The following FAM47E variants were observed in gnomAD, a reference collection of about 807,000 sequenced individuals.
The protein encoded by FAM47E is protein FAM47E.
Under a neutral mutation model 41.6 loss-of-function variants are expected in FAM47E, and 32 were observed. The observed-to-expected ratio is 0.77, with a 90% CI of 0.58 to 1.03. The LOEUF (loss-of-function observed/expected upper bound fraction) is 1.03, where lower values mean the gene tolerates loss of function less well. Among genes scored for constraint, FAM47E ranks in the 50% least tolerant of loss-of-function variants. FAM47E has a pLI of 0.00. For missense variants in FAM47E, 424 were observed against 485.4 expected, an observed-to-expected ratio of 0.87 and a Z score of 1.19; for synonymous variants, 184 against 188.7, an observed-to-expected ratio of 0.98 and a Z score of 0.20.
chr4:76,248,897 G>A (rs1168702261), upstream of FAM47E, among the ~76,000 whole-genome samples: 2 of 152,046 alleles, frequency 1.3e-5, no homozygotes, highest in Non-Finnish European at 2.9e-5. Context: ...TTTTCCAGGT[G>A]TTTATTTCTA....
rs924330840 is a variant in FAM47E, at chr4:76,252,372, A to T, written c.74+552A>T. On this transcript the variant is annotated intron_variant, in intron 1 of 7. Transcript: ENST00000424749. ...AACAAGAAGGTTTTTGCCTTTACCG[A>T]CTCCTTGACAATCTTTTGAGAATGG... Among the ~76,000 whole-genome samples the T allele has an allele frequency of 4.3e-4, 65 of 151,678 alleles. 1 individual carries two copies. The highest frequency in any genetic ancestry group is 4.0e-3 in the Admixed American group (61 of 15,220).
intron 4 of FAM47E, 162 bp downstream of exon 4, chr4:76,268,930 TTTC>T: frequency 4.7e-6 from 4 of 851,852 alleles, no homozygotes; most frequent in East Asian, 5.7e-5. Context: ...AAGGAATCAT[TTTC>T]TTCTATTATG....
Position 76,278,068 on chromosome 4 carries a change from GAATCCTTATAAGCC to G in FAM47E, c.873_886del (p.Asn291LysfsTer28). The G allele has an allele frequency of 6.7e-7, 1 of 1,490,236 alleles. No individual in the cohort carries two copies. Among genetic ancestry groups the G allele is most frequent in the Non-Finnish European group, 8.9e-7 (1 of 1,124,458 alleles). 92.3% of individuals were successfully genotyped at this position (1,490,236 alleles called of 1,614,324 possible). A position where few individuals can be genotyped will look rare whatever the true frequency, so the allele number is the denominator to read the frequency against. ...ACTGGGAATTATGTTACTTTCCACAGAATCCTTATAAGCCAAAGTGGGTGAAGATGAGGTATGGA... is the reference window on the plus strand; with the variant it reads ...ACTGGGAATTATGTTACTTTCCACAGAAAGTGGGTGAAGATGAGGTATGGA... On this transcript the variant is annotated frameshift_variant and splice_region_variant, in exon 6 of 8. Coordinates refer to ENST00000424749, the MANE Select transcript of FAM47E (RefSeq NM_001136570.3). LOFTEE classifies it high-confidence loss of function.
chr4:76,257,342 A>G (rs1734234844), intron 2 of FAM47E, among the ~76,000 whole-genome samples: 1 of 152,150 alleles, frequency 6.6e-6, no homozygotes, highest in African/African-American at 2.4e-5. Flanking sequence ...AAAAGGTAGA[A>G]TGGATATTGG....
At chr4:76,244,791 G>A (rs1733789871) in intron 2 of FAM47E, among the ~76,000 whole-genome samples, 1 of 152,058 alleles carries the variant, frequency 6.6e-6, no homozygotes, top group Non-Finnish European at 1.5e-5. Context: ...ACCCACCTCG[G>A]CCTCCCAAAG....
exon 1 of FAM47E, chr4:76,214,102 T>A (rs1026861468): frequency 8.7e-5 from 34 of 392,684 alleles, no homozygotes; most frequent in African/African-American, 5.9e-4. Flanking sequence ...GTTCACACAC[T>A]CATTTACTCA....
chr4:76,280,556 G>C (rs1735302816), intron 7 of FAM47E: 1 of 442,522 alleles, frequency 2.3e-6, no homozygotes, highest in South Asian at 4.1e-5. Context: ...TTTGGTTTCT[G>C]CTACTATCAG....
chr4:76,245,029 C>T (rs1241390447), intron 2 of FAM47E, among the ~76,000 whole-genome samples: 1 of 152,064 alleles, frequency 6.6e-6, no homozygotes, highest in African/African-American at 2.4e-5. Context: ...CTAATGATGC[C>T]TAATTATCCA....
At chr4:76,231,067 C>T (rs1428128889) in intron 2 of FAM47E, among the ~76,000 whole-genome samples, 1 of 151,982 alleles carries the variant, frequency 6.6e-6, no homozygotes, top group African/African-American at 2.4e-5. Flanking sequence ...TGCATGGACT[C>T]CCTATCATAA....
intron 2 of FAM47E, among the ~76,000 whole-genome samples, chr4:76,262,743 G>A (rs984018434): frequency 3.3e-5 from 5 of 152,092 alleles, no homozygotes; most frequent in African/African-American, 1.2e-4. Context: ...TGCACATAGA[G>A]TGGTGTCCCA....
intron 2 of FAM47E, among the ~76,000 whole-genome samples, chr4:76,233,399 C>T (rs879462440): frequency 6.6e-6 from 1 of 152,200 alleles, no homozygotes; most frequent in Non-Finnish European, 1.5e-5. Context: ...CACCTATTTA[C>T]ATTTTAATGA....
At chr4:76,226,433 G>T (rs1733399850) in intron 2 of FAM47E, among the ~76,000 whole-genome samples, 2 of 152,180 alleles carry the variant, frequency 1.3e-5, no homozygotes, top group South Asian at 4.1e-4. Flanking sequence ...GGAGCAAGGG[G>T]CCAGTGAGTC....
chr4:76,266,668 G>A (rs113392401), intron 3 of FAM47E, among the ~76,000 whole-genome samples: 1,961 of 152,200 alleles, frequency 0.013, 31 homozygotes, highest in African/African-American at 0.044. Context: ...AAGTCAAGTC[G>A]TGTCATTCCA....
intron 1 of FAM47E, among the ~76,000 whole-genome samples, chr4:76,252,721 C>T (rs1035697151): frequency 1.3e-5 from 2 of 152,144 alleles, no homozygotes; most frequent in African/African-American, 4.8e-5. Flanking sequence ...GCTTCTCCCC[C>T]CCATTTAAAA....
intron 4 of FAM47E, among the ~76,000 whole-genome samples, chr4:76,270,513 A>G (rs1168544637): frequency 6.6e-6 from 1 of 152,194 alleles, no homozygotes; most frequent in East Asian, 1.9e-4. Context: ...GGGATGCTGG[A>G]TGAAGCAGAC....
At chr4:76,261,848 G>GT (rs1015304309) in intron 2 of FAM47E, among the ~76,000 whole-genome samples, 7 of 151,040 alleles carry the variant, frequency 4.6e-5, no homozygotes, top group East Asian at 1.9e-4. Context: ...AAAATAAAAA[G>GT]TTTTTTTTTA....
upstream of FAM47E, among the ~76,000 whole-genome samples, chr4:76,249,020 A>C (rs1291863372): frequency 6.6e-6 from 1 of 152,186 alleles, no homozygotes; most frequent in East Asian, 1.9e-4. Flanking sequence ...TTTGAATAAC[A>C]AAAACAATAG....
intron 2 of FAM47E, among the ~76,000 whole-genome samples, chr4:76,260,597 A>C (rs1161866732): frequency 1.3e-5 from 2 of 152,194 alleles, no homozygotes; most frequent in Non-Finnish European, 2.9e-5. Context: ...GTAAGACCTG[A>C]AACTATACAA....
Position 76,283,452 on chromosome 4 carries a change from A to G in FAM47E, c.1176A>G (p.Gln392=). ...ATAAGACTCCTATAAAACGAACTCA[A>G]GCATAGAAGAATCGTAGGAGAATGA... ...ACNKTPIKRT[Q]A The change falls in exon 8 of 8, where the codon CAA becomes CAG. Residue 392 remains glutamine, a synonymous_variant. Transcript: ENST00000424749. 1 of 1,529,960 alleles carries G rather than the reference A, an allele frequency of 6.5e-7. No homozygotes were observed. The highest frequency in any genetic ancestry group is 8.9e-7 in the Non-Finnish European group (1 of 1,127,494). 94.8% of individuals were successfully genotyped at this position (1,529,960 alleles called of 1,614,324 possible).
Sources: gnomAD v4.1 joint callset for allele counts (sites outside exome capture counted in the v4.1 genomes callset) on GRCh38, gnomAD v4.1.1 for gene constraint, MANE v1.5 for transcripts, NCBI Gene and HGNC (gene_info 2026-07-23, HGNC 2026-07-21) for gene names.